CCDC91: variants seen among roughly 807,000 people sequenced by gnomAD.
CCDC91 encodes coiled-coil domain-containing protein 91.
CCDC91 carries 48 observed loss-of-function variants against 63.2 expected under a neutral mutation model. That is an observed-to-expected ratio of 0.76 (90% CI 0.60 to 0.97). The LOEUF (loss-of-function observed/expected upper bound fraction) is 0.97. Among genes scored for constraint, CCDC91 ranks in the 50% least tolerant of loss-of-function variants. The pLI, the probability that CCDC91 is intolerant of heterozygous loss-of-function variation, is 0.00. For synonymous variants in CCDC91, 167 were observed against 165.8 expected, an observed-to-expected ratio of 1.01 and a Z score of -0.06; for missense variants, 500 against 494.6, an observed-to-expected ratio of 1.01 and a Z score of -0.10.
At chr12:28,476,185 A>G (rs2140776917) in intron 11 of CCDC91, among the ~76,000 whole-genome samples, 1 of 152,220 alleles carries the variant, frequency 6.6e-6, no homozygotes, top group Admixed American at 6.6e-5. Flanking sequence ...TCTCAGCACC[A>G]CACTGCACTT....
intron 3 of CCDC91, among the ~76,000 whole-genome samples, chr12:28,279,419 G>T (rs545240185): frequency 6.6e-6 from 1 of 152,044 alleles, no homozygotes; most frequent in Non-Finnish European, 1.5e-5. Flanking sequence ...ACTTCTTTTA[G>T]ATTCTCAGAG....
intron 3 of CCDC91, 25 bp from the exon 4 acceptor site, chr12:28,305,621 CCTT>C: frequency 6.3e-7 from 1 of 1,594,232 alleles, no homozygotes; most frequent in South Asian, 1.1e-5. Flanking sequence ...ATAATCCTAT[CCTT>C]TTTGTTGTTG....
intron 12 of CCDC91, among the ~76,000 whole-genome samples, chr12:28,493,672 AC>A (rs1952129997): frequency 6.6e-6 from 1 of 151,758 alleles, no homozygotes; most frequent in African/African-American, 2.4e-5. Context: ...TTTAAACCTA[AC>A]CTTCAAAATA....
At chr12:28,263,216 G>T (rs1263512890) in intron 3 of CCDC91, among the ~76,000 whole-genome samples, 5 of 151,854 alleles carry the variant, frequency 3.3e-5, no homozygotes, top group African/African-American at 1.2e-4. Flanking sequence ...TTGGTCCTTA[G>T]CATATGCTAA....
chr12:28,272,200 T>C (rs1445200633), intron 3 of CCDC91, among the ~76,000 whole-genome samples: 1 of 152,004 alleles, frequency 6.6e-6, no homozygotes, highest in Non-Finnish European at 1.5e-5. Context: ...TACTGTGATA[T>C]ACTACATAAA....
At chr12:28,264,215 A>G (rs541999998) in intron 3 of CCDC91, among the ~76,000 whole-genome samples, 1 of 151,890 alleles carries the variant, frequency 6.6e-6, no homozygotes, top group South Asian at 2.1e-4. Context: ...AAGGAATAAG[A>G]GTAGTATGTA....
rs559705319 is a variant in CCDC91 at position 28,514,391 on chromosome 12, T to C, written c.1215+30226T>C. Reference sequence around the variant, plus strand: ...TCAGATGCATAGTTTGTGAAAATTTTCTTCCATTCTGTAGGTTGTCTGTTT... The same window carrying C: ...TCAGATGCATAGTTTGTGAAAATTTCCTTCCATTCTGTAGGTTGTCTGTTT... On this transcript the variant is annotated intron_variant, in intron 12 of 12. Transcript: ENST00000536442. Among the ~76,000 whole-genome samples, 9 of 152,128 alleles carry C rather than the reference T, an allele frequency of 5.9e-5. No individual in the cohort carries two copies. In the South Asian group the frequency reaches 1.9e-3, roughly 32 times the overall value.
chr12:28,484,364 A>G (rs1951608572), intron 12 of CCDC91, 199 bp downstream of exon 12: 1 of 315,628 alleles, frequency 3.2e-6, no homozygotes, highest in Non-Finnish European at 5.9e-6. Flanking sequence ...GTCAGCAAAA[A>G]CAACAGTGAA....
intron 1 of CCDC91, among the ~76,000 whole-genome samples, chr12:28,211,304 C>A (rs1943216720): frequency 6.6e-6 from 1 of 151,938 alleles, no homozygotes; most frequent in Non-Finnish European, 1.5e-5. Context: ...GCCCTAGTGA[C>A]CTGGCTCACC....
chr12:28,406,707 A>C (rs538136612), intron 8 of CCDC91, among the ~76,000 whole-genome samples: 24 of 152,246 alleles, frequency 1.6e-4, no homozygotes, highest in African/African-American at 5.8e-4. Context: ...TCAATATCAA[A>C]AGAGGTTTTT....
At chr12:28,358,459 T>C (rs1943660937) in intron 6 of CCDC91, among the ~76,000 whole-genome samples, 2 of 152,220 alleles carry the variant, frequency 1.3e-5, no homozygotes, top group South Asian at 4.1e-4. Context: ...ATTCAGTGCT[T>C]ATTGACTGAG....
At chr12:28,272,201 A>G (rs1404665180) in intron 3 of CCDC91, among the ~76,000 whole-genome samples, 2 of 151,950 alleles carry the variant, frequency 1.3e-5, no homozygotes, top group Middle Eastern at 6.3e-3. Flanking sequence ...ACTGTGATAT[A>G]CTACATAAAG....
intron 1 of CCDC91, among the ~76,000 whole-genome samples, chr12:28,234,730 G>A (rs1400590974): frequency 6.6e-6 from 1 of 151,474 alleles, no homozygotes; most frequent in East Asian, 1.9e-4. Context: ...AGAACTTGTA[G>A]CATGGATAGT....
intron 8 of CCDC91, among the ~76,000 whole-genome samples, chr12:28,415,360 A>T (rs1019112812): frequency 1.6e-4 from 25 of 151,960 alleles, no homozygotes; most frequent in African/African-American, 5.3e-4. Flanking sequence ...AGTAGCTGGG[A>T]TTATAGGCAT....
chr12:28,400,547 G>T (rs1051422393), intron 8 of CCDC91, among the ~76,000 whole-genome samples: 2 of 152,070 alleles, frequency 1.3e-5, no homozygotes, highest in Admixed American at 1.3e-4. Context: ...TAGAAAATGG[G>T]TTTTTCTTTT....
At chr12:28,420,692 G>A (rs1324950113) in intron 8 of CCDC91, among the ~76,000 whole-genome samples, 3 of 150,688 alleles carry the variant, frequency 2.0e-5, no homozygotes, top group Non-Finnish European at 2.9e-5. Context: ...TCCCATACTT[G>A]CAATTATAGA....
chr12:28,510,198 G>T (rs567007398), intron 12 of CCDC91, among the ~76,000 whole-genome samples: 1 of 148,744 alleles, frequency 6.7e-6, no homozygotes, highest in African/African-American at 2.4e-5. Flanking sequence ...AAAATAGTTG[G>T]TATATTAGGA....
intron 12 of CCDC91, among the ~76,000 whole-genome samples, chr12:28,514,012 T>C (rs1457164336): frequency 4.0e-5 from 6 of 151,852 alleles, no homozygotes; most frequent in Non-Finnish European, 8.8e-5. Flanking sequence ...GGTAATTCTG[T>C]TTTTAGCTCT....
chr12:28,468,133 T>A (rs1462556772), intron 11 of CCDC91, among the ~76,000 whole-genome samples: 4 of 151,498 alleles, frequency 2.6e-5, no homozygotes, highest in Non-Finnish European at 4.4e-5. Context: ...ATACCAAAGA[T>A]CAATGAAACA....
Sources: gnomAD v4.1 joint callset for allele counts (sites outside exome capture counted in the v4.1 genomes callset) on GRCh38, gnomAD v4.1.1 for gene constraint, MANE v1.5 for transcripts, NCBI Gene and HGNC (gene_info 2026-07-23, HGNC 2026-07-21) for gene names.